IHH: variants seen among roughly 807,000 people sequenced by gnomAD.
The protein encoded by IHH is indian hedgehog protein.
Under a neutral mutation model 29.4 loss-of-function variants are expected in IHH, and 9 were observed. That is an observed-to-expected ratio of 0.31 (90% CI 0.18 to 0.53). The LOEUF (loss-of-function observed/expected upper bound fraction) is 0.53. IHH is among the 20% of genes least tolerant of loss of function. The probability of loss-of-function intolerance (pLI) is 0.95; values close to 1 mark genes in which losing one functional copy is unlikely to be tolerated. For missense variants in IHH, 454 were observed against 578.1 expected, an observed-to-expected ratio of 0.79 and a Z score of 2.20; for synonymous variants, 254 against 252.7, an observed-to-expected ratio of 1.01 and a Z score of -0.05.
chr2:219,057,428 C>T lies in IHH; in HGVS notation c.577+5G>A. 1 of 1,561,704 alleles carries T rather than the reference C, an allele frequency of 6.4e-7. No individual in the cohort carries two copies. The highest frequency in any genetic ancestry group is 8.7e-7 in the Non-Finnish European group (1 of 1,153,510). ...CCCGGGCCCAGCCCCCCGGCGGCGG[C>T]TCACCGGACTTGACGGAGCAATGCA... is the stretch of plus-strand genomic sequence containing the variant. On this transcript the variant is annotated splice_donor_5th_base_variant and intron_variant, in intron 2 of 2. Coordinates refer to ENST00000295731, the MANE Select transcript of IHH (RefSeq NM_002181.4).
Position 219,055,336 on chromosome 2 carries a change from G to C in IHH, c.1107C>G (p.Ser369Arg). The change falls in exon 3 of 3, where the codon AGC (serine) becomes AGG (arginine). Residue 369 changes from serine to arginine, a missense_variant. Around this residue, in one of 3 missense-constraint regions of IHH, gnomAD observed 271 missense variants for 315.9 expected, o/e 0.86. Transcript: ENST00000295731. ...LAFWPLRLFHSLAWGSWTPGE... is the reference protein window; with the variant it reads ...LAFWPLRLFHRLAWGSWTPGE... ...CCGGAGTCCAGCTGCCCCATGCCAA[G>C]CTGTGAAAGAGTCTCAGGGGCCAGA... 1 of 1,613,296 alleles carries C rather than the reference G, an allele frequency of 6.2e-7. No homozygotes were observed. The highest frequency in any genetic ancestry group is 8.5e-7 in the Non-Finnish European group (1 of 1,180,032).
intron 2 of IHH, among the ~76,000 whole-genome samples, chr2:219,057,054 C>G (rs954737730): frequency 6.6e-6 from 1 of 152,106 alleles, no homozygotes; most frequent in Non-Finnish European, 1.5e-5. Context: ...GGGCATACCC[C>G]GGCTCCTGGC....
chr2:219,055,477 T>A lies in IHH; in HGVS notation c.966A>T (p.Thr322=). The A allele has an allele frequency of 6.2e-7, 1 of 1,610,336 alleles. No homozygotes were observed. Among genetic ancestry groups the A allele is most frequent in the Non-Finnish European group, 8.5e-7 (1 of 1,177,818 alleles). ...GGGCGTAGGCCCCGAGGGCCACGTGTGTAGAGACAGCTGCCACGCGGGCAG... is the reference window on the plus strand; with the variant it reads ...GGGCGTAGGCCCCGAGGGCCACGTGAGTAGAGACAGCTGCCACGCGGGCAG... ...LQPARVAAVS[T]HVALGAYAPL... The change falls in exon 3 of 3, where the codon ACA becomes ACT. Residue 322 remains threonine, a synonymous_variant. Coordinates refer to ENST00000295731, the MANE Select transcript of IHH (RefSeq NM_002181.4).
chr2:219,056,199 T>C (rs551169407), intron 2 of IHH, among the ~76,000 whole-genome samples: 1 of 152,276 alleles, frequency 6.6e-6, no homozygotes, highest in Admixed American at 6.5e-5. Context: ...GAGGCCTAGA[T>C]GTTCTGTTAT....
chr2:219,059,252 G>A lies in IHH; in HGVS notation c.315+901C>T, dbSNP rs964294734. ...TTCCCAACGGATCTAGAAAGCCAGG[G>A]GCCTGCTTTCAGGGGGAAGCCTCGG... is the stretch of plus-strand genomic sequence containing the variant. On this transcript the variant is annotated intron_variant, in intron 1 of 2. Coordinates refer to ENST00000295731, the MANE Select transcript of IHH (RefSeq NM_002181.4). This position sits in a 1 kb window ranked among gnomAD's most constrained non-coding sequence, Gnocchi z 4.7. Among the ~76,000 whole-genome samples the A allele has an allele frequency of 1.3e-5, 2 of 152,214 alleles. No homozygotes were observed. Among genetic ancestry groups the A allele is most frequent in the Non-Finnish European group, 2.9e-5 (2 of 68,036 alleles).
intron 2 of IHH, 58 bp downstream of exon 2, chr2:219,057,372 ACTC>A (rs1948840467): frequency 3.9e-6 from 6 of 1,539,634 alleles, no homozygotes; most frequent in Non-Finnish European, 4.4e-6. Context: ...TCTCGGCACT[ACTC>A]CTCCTGCCCA....
chr2:219,054,960 T>A lies in IHH; in HGVS notation c.*247A>T, dbSNP rs1948816274. ...GGGAGTCGCCGTGCCAGCCTCAAGGTCTCTAGGAGAGAGGGGTCAACAACC... is the reference window on the plus strand; with the variant it reads ...GGGAGTCGCCGTGCCAGCCTCAAGGACTCTAGGAGAGAGGGGTCAACAACC... On this transcript the variant is annotated 3_prime_UTR_variant, in exon 3 of 3. Coordinates refer to ENST00000295731, the MANE Select transcript of IHH (RefSeq NM_002181.4). 1.8e-6 allele frequency: 1 copy of A among 554,122 alleles called. No individual in the cohort carries two copies. The highest frequency in any genetic ancestry group is 3.3e-5 in the Admixed American group (1 of 30,554). The allele number at this position is 554,122 out of a possible 1,614,324, so 34.3% of individuals were successfully genotyped here. A position where few individuals can be genotyped will look rare whatever the true frequency, so the allele number is the denominator to read the frequency against.
chr2:219,060,394 G>A lies in IHH; in HGVS notation c.74C>T (p.Ala25Val). The A allele has an allele frequency of 1.2e-6, 2 of 1,600,228 alleles. No homozygotes were observed. The highest frequency in any genetic ancestry group is 2.2e-5 in the South Asian group (2 of 90,852). ...VLLLLLVVPA[A>V]WGCGPGRVVG... ...CACCCGACCCGGCCCGCAGCCCCAT[G>A]CCGCCGGCACCACCAGCAGCAGCAA... Residue 25 changes from alanine (A) to valine (V), a missense_variant, in exon 1 of 3, where the codon GCA becomes GTA. By Grantham distance (64) the Ala-to-Val change is moderately conservative. Transcript: ENST00000295731. This position sits in a 1 kb window ranked among gnomAD's most constrained non-coding sequence, Gnocchi z 8.8.
rs1386707593 is a variant in IHH at position 219,060,363 on chromosome 2, G to A, written c.105C>T (p.Gly35=). Reference sequence around the variant, plus strand: ...GTTTGCGTGGCGGTCGCCGGCGGCTGCCCACCACCCGACCCGGCCCGCAGC... The same window carrying A: ...GTTTGCGTGGCGGTCGCCGGCGGCTACCCACCACCCGACCCGGCCCGCAGC... ...AWGCGPGRVV[G]SRRRPPRKLV... The change falls in exon 1 of 3, where the codon GGC becomes GGT. Residue 35 remains glycine, a synonymous_variant. Coordinates refer to ENST00000295731, the MANE Select transcript of IHH (RefSeq NM_002181.4). This position sits in a 1 kb window ranked among gnomAD's most constrained non-coding sequence, Gnocchi z 8.8. 1.2e-6 allele frequency: 2 copies of A among 1,606,244 alleles called. No homozygotes were observed. Among genetic ancestry groups the A allele is most frequent in the African/African-American group, 1.3e-5 (1 of 74,988 alleles).
Position 219,060,526 on chromosome 2 carries a change from C to A in IHH, c.-59G>T. 2 of 1,247,612 alleles carry A rather than the reference C, an allele frequency of 1.6e-6. No homozygotes were observed. The highest frequency in any genetic ancestry group is 3.2e-5 in the African/African-American group (2 of 63,092). The allele number at this position is 1,247,612 out of a possible 1,614,324, so 77.3% of individuals were successfully genotyped here. A position where few individuals can be genotyped will look rare whatever the true frequency, so the allele number is the denominator to read the frequency against. On this transcript the variant is annotated 5_prime_UTR_variant, in exon 1 of 3. Transcript: ENST00000295731. The surrounding 1 kb of genome is among the most constrained non-coding windows in gnomAD (Gnocchi z 8.8). ...CTCCTGGTGGGCTGATGGGCAGGCG[C>A]GTCGACGGGAGCGCTGCGGGGGCTC...
In IHH at chr2:219,060,348, C is replaced by T; in HGVS notation, c.120G>A (p.Pro40=). ...PGRVVGSRRR[P]PRKLVPLAYK... is the part of the protein sequence containing the mutation. Reference sequence around the variant, plus strand: ...AGGCGAGCGGCACGAGTTTGCGTGGCGGTCGCCGGCGGCTGCCCACCACCC... The same window carrying T: ...AGGCGAGCGGCACGAGTTTGCGTGGTGGTCGCCGGCGGCTGCCCACCACCC... Residue 40 remains proline, a synonymous_variant, in exon 1 of 3, where the codon CCG becomes CCA. Transcript: ENST00000295731. This position sits in a 1 kb window ranked among gnomAD's most constrained non-coding sequence, Gnocchi z 8.8. 2.5e-6 allele frequency: 4 copies of T among 1,605,656 alleles called. No individual in the cohort carries two copies. The highest frequency in any genetic ancestry group is 2.2e-5 in the East Asian group (1 of 44,800).
At chr2:219,056,837 T>G (rs1179978979) in intron 2 of IHH, among the ~76,000 whole-genome samples, 1 of 152,220 alleles carries the variant, frequency 6.6e-6, no homozygotes, top group African/African-American at 2.4e-5. Context: ...CTGCCAATTC[T>G]GATCAACAAT....
In IHH at chr2:219,060,099, G is replaced by A. The variant is rs866100164; in HGVS notation, c.315+54C>T. On this transcript the variant is annotated intron_variant, in intron 1 of 2. Transcript: ENST00000295731. The surrounding 1 kb of genome is among the most constrained non-coding windows in gnomAD (Gnocchi z 8.8). ...AATGTGCCAGGGGGTGGGTAGGGCC[G>A]GGCAGGTGGCCGTGCTTCGGTGGCG... is the stretch of plus-strand genomic sequence containing the variant. 12 of 1,487,000 alleles carry A rather than the reference G, an allele frequency of 8.1e-6. No homozygotes were observed. The Middle Eastern group carries it at 1.6e-3, about 194-fold the overall frequency. 92.1% of individuals were successfully genotyped at this position (1,487,000 alleles called of 1,614,324 possible). A position where few individuals can be genotyped will look rare whatever the true frequency, so the allele number is the denominator to read the frequency against.
In IHH at chr2:219,055,318, C is replaced by T. The variant is rs1381498688; in HGVS notation, c.1125G>A (p.Trp375Ter). The T allele has an allele frequency of 6.2e-7, 1 of 1,613,124 alleles. No individual in the cohort carries two copies. The change falls in exon 3 of 3, where the codon TGG becomes TGA. Residue 375 changes from tryptophan to a stop codon, truncating the protein, a stop_gained. Coordinates refer to ENST00000295731, the MANE Select transcript of IHH (RefSeq NM_002181.4). LOFTEE classifies it high-confidence loss of function. ...ACCAATGCACACCCTCCCCCGGAGT[C>T]CAGCTGCCCCATGCCAAGCTGTGAA... The part of the protein sequence containing the change: ...RLFHSLAWGS[W>*]TPGEGVHWYP...
intron 2 of IHH, 72 bp from the exon 3 acceptor site, chr2:219,055,937 G>A: frequency 6.6e-7 from 1 of 1,506,340 alleles, no homozygotes; most frequent in South Asian, 1.2e-5. Flanking sequence ...ACCCTCCCTT[G>A]GCCACCCCAG....
chr2:219,060,608 CG>C lies in IHH; in HGVS notation c.-142del. The C allele has an allele frequency of 2.2e-6, 1 of 464,226 alleles. No individual in the cohort carries two copies. The highest frequency in any genetic ancestry group is 3.5e-6 in the Non-Finnish European group (1 of 287,666). 28.8% of individuals were successfully genotyped at this position (464,226 alleles called of 1,614,324 possible). On this transcript the variant is annotated 5_prime_UTR_variant, in exon 1 of 3. Coordinates refer to ENST00000295731, the MANE Select transcript of IHH (RefSeq NM_002181.4). The surrounding 1 kb of genome is among the most constrained non-coding windows in gnomAD (Gnocchi z 8.8). The stretch of plus-strand genomic sequence containing the variant: ...CGGGGGCGCCATGGGCGGCGTGGTG[CG>C]GCCAGGGCCGGCGGGACTCAAGTGC...
chr2:219,057,469 C>G lies in IHH; in HGVS notation c.541G>C (p.Glu181Gln), dbSNP rs1366539763. ...GAGCAATGCACGTGGGCCTTTGACT[C>G]GTAATACACCCAGTCAAAGCCGGCC... ...VEAGFDWVYYESKAHVHCSVK... is the reference protein window; with the variant it reads ...VEAGFDWVYYQSKAHVHCSVK... Residue 181 changes from glutamate to glutamine, a missense_variant, in exon 2 of 3, where the codon GAG (glutamate) becomes CAG (glutamine). Glu to Gln is a conservative substitution (Grantham distance 29, BLOSUM62 2). Coordinates refer to ENST00000295731, the MANE Select transcript of IHH (RefSeq NM_002181.4). 6.2e-7 allele frequency: 1 copy of G among 1,603,802 alleles called. No homozygotes were observed. Among genetic ancestry groups the G allele is most frequent in the Non-Finnish European group, 8.5e-7 (1 of 1,175,358 alleles).
rs748379688 is a variant in IHH at position 219,055,644 on chromosome 2, G to T, written c.799C>A (p.Arg267Ser). The change falls in exon 3 of 3, where the codon CGC becomes AGC. Residue 267 changes from arginine (R) to serine (S), a missense_variant. Arg to Ser is a moderately radical substitution (Grantham distance 110). Around this residue, in one of 3 missense-constraint regions of IHH, gnomAD observed 271 missense variants for 315.9 expected, o/e 0.86. Coordinates refer to ENST00000295731, the MANE Select transcript of IHH (RefSeq NM_002181.4). ...FQVIETQDPP[R>S]RLALTPAHLL... ...TGAGCGGGTGTGAGTGCCAGGCGGC[G>T]TGGGGGGTCCTGAGTCTCGATGACC... 4 of 1,613,964 alleles carry T rather than the reference G, an allele frequency of 2.5e-6. No individual in the cohort carries two copies. Among genetic ancestry groups the T allele is most frequent in the Admixed American group, 1.7e-5 (1 of 60,012 alleles).
In IHH at chr2:219,055,056, C is replaced by G; in HGVS notation, c.*151G>C. 2.5e-6 allele frequency: 2 copies of G among 809,242 alleles called. No individual in the cohort carries two copies. The highest frequency in any genetic ancestry group is 3.9e-6 in the Non-Finnish European group (2 of 509,286). The allele number at this position is 809,242 out of a possible 1,614,324, so 50.1% of individuals were successfully genotyped here. A position where few individuals can be genotyped will look rare whatever the true frequency, so the allele number is the denominator to read the frequency against. The stretch of plus-strand genomic sequence containing the variant: ...GGGGGTGGGGGACGCTGGTGTTGCC[C>G]AGTCAAGTCTCAATGGTGTATCTTC... On this transcript the variant is annotated 3_prime_UTR_variant, in exon 3 of 3. Transcript: ENST00000295731.
Sources: allele counts gnomAD v4.1 joint callset (sites outside exome capture counted in the v4.1 genomes callset), GRCh38; gene constraint gnomAD v4.1.1; regional missense constraint gnomAD v4.1.1; non-coding constraint Gnocchi (gnomAD v3.1); transcripts MANE v1.5; gene names NCBI Gene and HGNC (gene_info 2026-07-23, HGNC 2026-07-21).